The following MTHFD1L variants were observed in gnomAD, a reference collection of about 807,000 sequenced individuals.
MTHFD1L encodes methylenetetrahydrofolate dehydrogenase (NADP+ dependent) 1 like.
MTHFD1L carries 81 observed loss-of-function variants against 119.5 expected under a neutral mutation model. That is an observed-to-expected ratio of 0.68 (90% CI 0.57 to 0.82). The LOEUF is 0.82. MTHFD1L is among the 40% of genes least tolerant of loss of function. The probability of loss-of-function intolerance (pLI) is 0.00; values close to 1 mark genes in which losing one functional copy is unlikely to be tolerated. For synonymous variants in MTHFD1L, 430 were observed against 475.2 expected, an observed-to-expected ratio of 0.90 and a Z score of 1.24; for missense variants, 1,125 against 1,253.4, an observed-to-expected ratio of 0.90 and a Z score of 1.55.
intron 7 of MTHFD1L, among the ~76,000 whole-genome samples, chr6:150,900,733 C>T (rs1259651852): frequency 6.6e-6 from 1 of 152,096 alleles, no homozygotes; most frequent in Non-Finnish European, 1.5e-5. Context: ...AGAAAAAGTG[C>T]GGCCGGGCGC....
Position 150,877,760 on chromosome 6 carries a change from G to A in MTHFD1L, c.364-13G>A, listed in dbSNP as rs1780690326. 7 of 1,614,204 alleles carry A rather than the reference G, an allele frequency of 4.3e-6. No individual in the cohort carries two copies. In the East Asian group the frequency reaches 6.7e-5, roughly 15 times the overall value. On this transcript the variant is annotated splice_polypyrimidine_tract_variant and intron_variant, in intron 3 of 27. Transcript: ENST00000367321. ...CTCTTATAGTGACGAATAACCTTGTGTTCCTTTTTCAGGCTGGTCTGAACA... is the reference window on the plus strand; with the variant it reads ...CTCTTATAGTGACGAATAACCTTGTATTCCTTTTTCAGGCTGGTCTGAACA...
intron 20 of MTHFD1L, among the ~76,000 whole-genome samples, chr6:150,983,712 G>A (rs1777862993): frequency 6.6e-6 from 1 of 152,170 alleles, no homozygotes; most frequent in African/African-American, 2.4e-5. Flanking sequence ...ATTCCAAGCA[G>A]TTGTCATAAA....
intron 8 of MTHFD1L, among the ~76,000 whole-genome samples, chr6:150,907,247 T>A (rs192935823): frequency 6.6e-6 from 1 of 152,210 alleles, no homozygotes; most frequent in African/African-American, 2.4e-5. Context: ...AGCTCTGTGG[T>A]TATATGACAG....
Position 150,876,136 on chromosome 6 carries a change from A to G in MTHFD1L, c.274A>G (p.Lys92Glu), listed in dbSNP as rs1463154196. ...AGAAGTTCTAAGTTTATTGCAAGAA[A>G]AAAACCCTGCCTTCAAGCCGGTTCT... ...SKEVLSLLQEKNPAFKPVLAI... is the reference protein window; with the variant it reads ...SKEVLSLLQEENPAFKPVLAI... The change falls in exon 2 of 28, where the codon AAA becomes GAA. Residue 92 changes from lysine to glutamate, a missense_variant. Transcript: ENST00000367321. The G allele has an allele frequency of 6.2e-7, 1 of 1,605,770 alleles. No homozygotes were observed. Among genetic ancestry groups the G allele is most frequent in the Admixed American group, 1.7e-5 (1 of 58,844 alleles).
chr6:150,939,141 G>A (rs565309202), intron 13 of MTHFD1L: 1 of 209,132 alleles, frequency 4.8e-6, no homozygotes, highest in Non-Finnish European at 9.9e-6. Context: ...AGAGAATGTG[G>A]GTCTGTGCCT....
chr6:150,956,146 C>A, intron 17 of MTHFD1L, 75 bp downstream of exon 17: 2 of 1,437,888 alleles, frequency 1.4e-6, no homozygotes, highest in Non-Finnish European at 2.0e-6. Flanking sequence ...TCACTCTTTG[C>A]CTTTCTTGTC....
At chr6:150,880,752 C>T (rs1322992817) in intron 4 of MTHFD1L, among the ~76,000 whole-genome samples, 3 of 152,170 alleles carry the variant, frequency 2.0e-5, no homozygotes, top group Admixed American at 6.5e-5. Context: ...TCCACATATC[C>T]TCGCCAGCAT....
chr6:150,887,726 G>A, intron 6 of MTHFD1L, 119 bp from the exon 7 acceptor site: 1 of 1,101,562 alleles, frequency 9.1e-7, no homozygotes, highest in Non-Finnish European at 1.2e-6. Context: ...CAAAGTGCTG[G>A]AATTATAGGC....
At chr6:150,868,497 G>A (rs1259766261) in intron 1 of MTHFD1L, among the ~76,000 whole-genome samples, 1 of 151,668 alleles carries the variant, frequency 6.6e-6, no homozygotes, top group Non-Finnish European at 1.5e-5. Flanking sequence ...GCACTACCAC[G>A]CCTGGCTTAT....
rs921801253 is a variant in MTHFD1L at position 151,014,926 on chromosome 6, T to A, written c.2354T>A (p.Ile785Asn). The A allele has an allele frequency of 1.2e-6, 2 of 1,613,944 alleles. No homozygotes were observed. The highest frequency in any genetic ancestry group is 1.7e-6 in the Non-Finnish European group (2 of 1,180,012). ...GGCTGCTGTAACCTCCAGAAGCAAA[T>A]TCAGATCACTCAGCTCTTTGGGGTT... ...ADGCCNLQKQ[I>N]QITQLFGVPV... Residue 785 changes from isoleucine (I) to asparagine (N), a missense_variant, in exon 23 of 28, where the codon ATT becomes AAT. By Grantham distance (149) the Ile-to-Asn change is moderately radical. Transcript: ENST00000367321.
At chr6:150,908,743 T>C (rs561111540) in intron 8 of MTHFD1L, among the ~76,000 whole-genome samples, 1 of 152,216 alleles carries the variant, frequency 6.6e-6, no homozygotes, top group South Asian at 2.1e-4. Flanking sequence ...CTACCCATAA[T>C]AGCACATTTC....
intron 26 of MTHFD1L, among the ~76,000 whole-genome samples, chr6:151,077,769 A>C (rs1792688653): frequency 6.6e-6 from 1 of 152,040 alleles, no homozygotes; most frequent in African/African-American, 2.4e-5. Context: ...TATCTTCAAA[A>C]TTCAAGGAAA....
chr6:150,924,897 C>G (rs1265713253), intron 10 of MTHFD1L, among the ~76,000 whole-genome samples: 2 of 152,092 alleles, frequency 1.3e-5, no homozygotes, highest in Admixed American at 1.3e-4. Context: ...AAGGAAAGGT[C>G]GGATAGGTGG....
chr6:151,072,852 T>C (rs923523149), intron 26 of MTHFD1L, among the ~76,000 whole-genome samples: 2 of 152,084 alleles, frequency 1.3e-5, no homozygotes. Context: ...CATTGATACA[T>C]AATGTTATGT....
chr6:151,009,755 GATTGCCAA>G, intron 20 of MTHFD1L, 56 bp from the exon 21 acceptor site: 3 of 1,585,628 alleles, frequency 1.9e-6, no homozygotes, highest in Non-Finnish European at 2.6e-6. Context: ...TCATAGTGGT[GATTGCCAA>G]AACCTACCTT....
chr6:151,011,670 G>A (rs1782243219), intron 21 of MTHFD1L, among the ~76,000 whole-genome samples: 1 of 152,112 alleles, frequency 6.6e-6, no homozygotes, highest in Non-Finnish European at 1.5e-5. Flanking sequence ...TTAATCCTTT[G>A]TGTCTCTTCC....
chr6:150,867,794 CT>C (rs35396368), intron 1 of MTHFD1L, among the ~76,000 whole-genome samples: 2,082 of 115,890 alleles, frequency 0.018, 29 homozygotes, highest in African/African-American at 0.047. Flanking sequence ...CATACATATT[CT>C]TTTTTTTTTT....
At chr6:150,888,393 A>G (rs1351605697) in intron 7 of MTHFD1L, among the ~76,000 whole-genome samples, 2 of 152,216 alleles carry the variant, frequency 1.3e-5, no homozygotes, top group Non-Finnish European at 2.9e-5. Flanking sequence ...AGTAGGGTTT[A>G]TTTTAGGATT....
chr6:150,952,678 C>T (rs751563239), intron 16 of MTHFD1L, among the ~76,000 whole-genome samples: 40 of 152,202 alleles, frequency 2.6e-4, no homozygotes, highest in African/African-American at 8.2e-4. Context: ...TACAGGCATG[C>T]GCCACCATGC....
Sources: gnomAD v4.1 joint callset for allele counts (sites outside exome capture counted in the v4.1 genomes callset) on GRCh38, gnomAD v4.1.1 for gene constraint, MANE v1.5 for transcripts, NCBI Gene and HGNC (gene_info 2026-07-23, HGNC 2026-07-21) for gene names.